SDCCAG8: variants seen among roughly 807,000 people sequenced by gnomAD.
The protein encoded by SDCCAG8 is serologically defined colon cancer antigen 8.
SDCCAG8 carries 74 observed loss-of-function variants against 101.8 expected under a neutral mutation model. The ratio of observed to expected loss-of-function variants is 0.73; its 90% CI spans 0.60 to 0.88. The LOEUF is 0.88. SDCCAG8 is among the 40% of genes least tolerant of loss of function. The pLI is 0.00. For missense variants in SDCCAG8, 787 were observed against 822.6 expected (o/e 0.96, Z 0.53); for synonymous variants, 281 against 292.9 (o/e 0.96, Z 0.41).
At chr1:243,437,210 A>G (rs1263451541) in intron 16 of SDCCAG8, among the ~76,000 whole-genome samples, 1 of 152,222 alleles carries the variant, frequency 6.6e-6, no homozygotes, top group Non-Finnish European at 1.5e-5. Context: ...AACATTGAAT[A>G]TTAAATGTGA....
chr1:243,326,934 G>GCACT (rs2074188191), intron 9 of SDCCAG8, among the ~76,000 whole-genome samples: 1 of 152,102 alleles, frequency 6.6e-6, no homozygotes, highest in Admixed American at 6.6e-5. Flanking sequence ...ATAAAACCAG[G>GCACT]ACTGGGAATA....
intron 12 of SDCCAG8, among the ~76,000 whole-genome samples, chr1:243,346,990 AT>A (rs2075753764): frequency 6.6e-6 from 1 of 151,860 alleles, no homozygotes; most frequent in Admixed American, 6.5e-5. Context: ...CCTCAGTCCT[AT>A]TCCATCACTC....
intron 7 of SDCCAG8, chr1:243,305,633 T>C (rs1397757050): frequency 6.6e-6 from 1 of 152,170 alleles, no homozygotes; most frequent in African/African-American, 2.4e-5. Flanking sequence ...GGAATTAATA[T>C]TTTTGTTGTT....
At chr1:243,294,526 A>AGAGAGAGAGAGAGAGAGAGAGAG (rs1553298249) in intron 6 of SDCCAG8, among the ~76,000 whole-genome samples, 94 of 147,532 alleles carry the variant, frequency 6.4e-4, no homozygotes, top group South Asian at 1.1e-3. Flanking sequence ...AGAGAGAGAG[A>AGAGAGAGAGAGAGAGAGAGAGAG]ACAACCCACC....
chr1:243,421,240 T>C (rs2080976537), intron 15 of SDCCAG8, among the ~76,000 whole-genome samples: 1 of 152,232 alleles, frequency 6.6e-6, no homozygotes, highest in Non-Finnish European at 1.5e-5. Flanking sequence ...GTCTTGTTTT[T>C]CAAAATACCA....
chr1:243,390,875 A>G (rs918059403), intron 13 of SDCCAG8, among the ~76,000 whole-genome samples: 2 of 152,180 alleles, frequency 1.3e-5, no homozygotes, highest in Non-Finnish European at 2.9e-5. Flanking sequence ...CTGCTCTCCA[A>G]TATTATTTTT....
At chr1:243,446,862 C>T (rs552070979) in intron 16 of SDCCAG8, among the ~76,000 whole-genome samples, 1 of 152,224 alleles carries the variant, frequency 6.6e-6, no homozygotes, top group African/African-American at 2.4e-5. Flanking sequence ...CTGATTGACT[C>T]CTTGCATAAA....
chr1:243,369,442 T>C (rs955949645), intron 12 of SDCCAG8, among the ~76,000 whole-genome samples: 18 of 152,176 alleles, frequency 1.2e-4, no homozygotes, highest in African/African-American at 4.1e-4. Context: ...GAATGGTGGA[T>C]GGAGTCACCC....
At chr1:243,306,596 A>G (rs1558267483) in intron 7 of SDCCAG8, 1 of 152,108 alleles carries the variant, frequency 6.6e-6, no homozygotes, top group African/African-American at 2.4e-5. Context: ...AACCAAATCT[A>G]CTTGAGTGTT....
chr1:243,451,237 C>T (rs2083331844), intron 16 of SDCCAG8, among the ~76,000 whole-genome samples: 1 of 152,182 alleles, frequency 6.6e-6, no homozygotes, highest in Admixed American at 6.5e-5. Flanking sequence ...CCTTGAGTTT[C>T]CCTAAAGATT....
intron 10 of SDCCAG8, among the ~76,000 whole-genome samples, chr1:243,332,838 G>C (rs2074722860): frequency 6.6e-6 from 1 of 152,008 alleles, no homozygotes; most frequent in African/African-American, 2.4e-5. Flanking sequence ...GATTATCGTG[G>C]TCCCGGTCTG....
intron 16 of SDCCAG8, among the ~76,000 whole-genome samples, chr1:243,460,307 A>G (rs1259674314): frequency 6.6e-6 from 1 of 152,164 alleles, no homozygotes; most frequent in African/African-American, 2.4e-5. Context: ...TTTAAACACA[A>G]AGTGTGTGTA....
intron 6 of SDCCAG8, among the ~76,000 whole-genome samples, chr1:243,299,124 A>G (rs966155395): frequency 2.0e-5 from 3 of 152,358 alleles, no homozygotes; most frequent in East Asian, 3.9e-4. Flanking sequence ...GGTTTCATAC[A>G]TCTTTCATTA....
intron 13 of SDCCAG8, among the ~76,000 whole-genome samples, chr1:243,402,361 C>G (rs1201706635): frequency 7.0e-6 from 1 of 143,274 alleles, no homozygotes; most frequent in African/African-American, 2.6e-5. Flanking sequence ...ACCCGGGAGG[C>G]GGAGGTTGCG....
intron 13 of SDCCAG8, among the ~76,000 whole-genome samples, chr1:243,407,999 C>T (rs182167730): frequency 6.6e-5 from 10 of 152,256 alleles, no homozygotes; most frequent in African/African-American, 2.2e-4. Context: ...TCTTCTGAAA[C>T]ATGGAAGACA....
At chr1:243,346,522 GAAC>G (rs1299923370) in intron 12 of SDCCAG8, among the ~76,000 whole-genome samples, 2 of 152,156 alleles carry the variant, frequency 1.3e-5, no homozygotes, top group Non-Finnish European at 2.9e-5. Context: ...GAATGTGTGA[GAAC>G]AACAGCTTTT....
intron 13 of SDCCAG8, among the ~76,000 whole-genome samples, chr1:243,404,821 T>A (rs1438508269): frequency 6.6e-6 from 1 of 152,110 alleles, no homozygotes; most frequent in Non-Finnish European, 1.5e-5. Flanking sequence ...TCTACTATCT[T>A]TATTACAGAA....
At chr1:243,465,161 G>A (rs1289854645) in intron 16 of SDCCAG8, among the ~76,000 whole-genome samples, 1 of 152,242 alleles carries the variant, frequency 6.6e-6, no homozygotes, top group Non-Finnish European at 1.5e-5. Flanking sequence ...CCATGGAAAA[G>A]GCATGGGTGA....
intron 16 of SDCCAG8, among the ~76,000 whole-genome samples, chr1:243,446,849 G>A (rs1390801504): frequency 1.3e-5 from 2 of 152,158 alleles, no homozygotes; most frequent in Non-Finnish European, 2.9e-5. Flanking sequence ...CTCGGATGGG[G>A]ACCTGATTGA....
Sources: gnomAD v4.1 joint callset for allele counts (sites outside exome capture counted in the v4.1 genomes callset) on GRCh38, gnomAD v4.1.1 for gene constraint, MANE v1.5 for transcripts, NCBI Gene and HGNC (gene_info 2026-07-23, HGNC 2026-07-21) for gene names.